PAK3: variants seen among roughly 807,000 people sequenced by gnomAD.
PAK3 encodes serine/threonine-protein kinase PAK 3.
PAK3 carries 4 observed loss-of-function variants against 41.0 expected under a neutral mutation model. The observed-to-expected ratio is 0.10, with a 90% confidence interval of 0.05 to 0.22. PAK3 has a LOEUF of 0.22. Ranked by LOEUF, PAK3 falls within the 10% of genes least tolerant of loss-of-function variation. The pLI is 1.00. For missense variants in PAK3, 205 were observed against 409.9 expected (o/e 0.50, Z 4.32); for synonymous variants, 146 against 139.6 (o/e 1.05, Z -0.32).
At chrX:111,019,722 A>AGGG (rs55957364) in intron 1 of PAK3, among the ~76,000 whole-genome samples, 1 of 84,173 alleles carries the variant, frequency 1.2e-5, no homozygotes, top group African/African-American at 4.4e-5. Context: ...GAAAAGAAAA[A>AGGG]GGGGGGGGGG....
intron 16 of PAK3, among the ~76,000 whole-genome samples, chrX:111,207,877 C>T (rs2094771786): frequency 1.8e-5 from 2 of 112,276 alleles, no homozygotes; most frequent in Non-Finnish European, 3.8e-5. Context: ...TCACTGCAAC[C>T]TCCAACCCCC....
At chrX:111,037,382 T>C (rs751516495) in intron 1 of PAK3, among the ~76,000 whole-genome samples, 4 of 112,388 alleles carry the variant, frequency 3.6e-5, no homozygotes, top group African/African-American at 9.7e-5. Flanking sequence ...GATTTCCTTT[T>C]GGGATTTGTT....
At chrX:111,114,575 A>G (rs2093429697) in intron 4 of PAK3, among the ~76,000 whole-genome samples, 1 of 111,605 alleles carries the variant, frequency 9.0e-6, no homozygotes, top group African/African-American at 3.3e-5. Context: ...TCCTCTCTTT[A>G]TGCAGCTGTG....
chrX:111,022,450 A>G (rs1186016005), intron 1 of PAK3, among the ~76,000 whole-genome samples: 1 of 111,866 alleles, frequency 8.9e-6, no homozygotes, highest in African/African-American at 3.2e-5. Context: ...TGAAGGAAAG[A>G]CACAGTCTTT....
chrX:111,191,202 G>A (rs759145302), intron 11 of PAK3, among the ~76,000 whole-genome samples: 19 of 111,525 alleles, frequency 1.7e-4, no homozygotes, highest in Non-Finnish European at 3.0e-4. Context: ...GGGCTCAAGT[G>A]ATCCTCCCAT....
rs1351561174 is a variant in PAK3 at position 111,154,402 on chromosome X, G to A, written c.468+1955G>A. 2.7e-5 allele frequency among the ~76,000 whole-genome samples: 3 copies of A among 111,520 alleles called. No homozygotes were observed. The East Asian group carries it at 8.4e-4, about 31-fold the overall frequency. Reference sequence around the variant, plus strand: ...CCATTTACTAAGTATGTGACATTGGGAAACTAGCTTAGCTTCTCTGAGCTT... The same window carrying A: ...CCATTTACTAAGTATGTGACATTGGAAAACTAGCTTAGCTTCTCTGAGCTT... On this transcript the variant is annotated intron_variant, in intron 8 of 17. Coordinates refer to ENST00000372007, the MANE Select transcript of PAK3 (RefSeq NM_002578.5).
intron 1 of PAK3, among the ~76,000 whole-genome samples, chrX:110,997,772 A>G (rs187619467): frequency 9.0e-6 from 1 of 111,514 alleles, no homozygotes; most frequent in Admixed American, 9.5e-5. Flanking sequence ...TGATAGTATT[A>G]GGAGGTGAGA....
At chrX:110,966,508 CA>C (rs769955533) in intron 1 of PAK3, among the ~76,000 whole-genome samples, 13 of 110,086 alleles carry the variant, frequency 1.2e-4, no homozygotes, top group East Asian at 1.1e-3. Context: ...AGAGAGAGAT[CA>C]GGGGTGGGAA....
At position 111,009,940 on chromosome X, in the gene PAK3, C is replaced by T. The variant is rs769515893; in HGVS notation, c.-28+65312C>T. Among the ~76,000 whole-genome samples, 11 of 111,655 alleles carry T rather than the reference C, an allele frequency of 9.9e-5. No individual in the cohort carries two copies. The South Asian group carries it at 3.4e-3, about 35-fold the overall frequency. ...CAAGTGACAAAACCCATGCTTTACACGGCTGAGTAATATTGTGGCCCCATA... is the reference window on the plus strand; with the variant it reads ...CAAGTGACAAAACCCATGCTTTACATGGCTGAGTAATATTGTGGCCCCATA... On this transcript the variant is annotated intron_variant, in intron 1 of 14. Transcript: ENST00000425146.
intron 17 of PAK3, chrX:111,217,073 G>A (rs922279906): frequency 1.2e-5 from 9 of 723,316 alleles, no homozygotes; most frequent in Non-Finnish European, 1.5e-5. Flanking sequence ...CGGCTCCCAG[G>A]GATTAGTATA....
intron 4 of PAK3, among the ~76,000 whole-genome samples, chrX:111,118,464 A>G (rs1444643762): frequency 9.0e-6 from 1 of 110,766 alleles, no homozygotes; most frequent in Non-Finnish European, 1.9e-5. Context: ...ATATATATAT[A>G]TATGTATATA....
intron 1 of PAK3, among the ~76,000 whole-genome samples, chrX:110,971,015 C>G (rs2148631817): frequency 8.9e-6 from 1 of 112,068 alleles, no homozygotes; most frequent in Admixed American, 9.4e-5. Flanking sequence ...GTGCTTCATT[C>G]CCAATCTTAG....
chrX:111,190,592 G>T (rs1045215751), intron 11 of PAK3, among the ~76,000 whole-genome samples: 2 of 111,438 alleles, frequency 1.8e-5, no homozygotes, highest in Admixed American at 1.9e-4. Flanking sequence ...ACAAATATTA[G>T]AACTCAGATC....
intron 1 of PAK3, among the ~76,000 whole-genome samples, chrX:111,064,440 C>T (rs1193969612): frequency 9.4e-6 from 1 of 106,072 alleles, no homozygotes; most frequent in Non-Finnish European, 1.9e-5. Flanking sequence ...CCCTTGTGCC[C>T]CTCCCTCCCT....
chrX:111,217,165 A>G (rs2094888415), intron 17 of PAK3: 1 of 337,569 alleles, frequency 3.0e-6, no homozygotes, highest in African/African-American at 2.8e-5. Context: ...TAGGGTAGGC[A>G]TTATTATCCC....
upstream of PAK3, among the ~76,000 whole-genome samples, chrX:111,094,750 G>A (rs1005445638): frequency 7.0e-5 from 7 of 100,050 alleles, no homozygotes; most frequent in Non-Finnish European, 1.4e-4. Flanking sequence ...GTGCAGTGGC[G>A]CAATCTCGGC....
At chrX:111,180,106 G>A (rs1361154673) in intron 11 of PAK3, among the ~76,000 whole-genome samples, 4 of 111,320 alleles carry the variant, frequency 3.6e-5, no homozygotes, top group Admixed American at 2.9e-4. Context: ...GAGTTAGCAT[G>A]GAGTTACATA....
intron 1 of PAK3, among the ~76,000 whole-genome samples, chrX:111,076,605 T>C (rs939107467): frequency 8.9e-5 from 10 of 111,764 alleles, no homozygotes; most frequent in Admixed American, 3.8e-4. Flanking sequence ...CTCTTTTCTT[T>C]ATAAATTACC....
chrX:111,148,777 A>C (rs138204868), intron 7 of PAK3, among the ~76,000 whole-genome samples: 18,270 of 110,398 alleles, frequency 0.17, 3,204 homozygotes, highest in African/African-American at 0.53. Flanking sequence ...TGTTGGAATT[A>C]TGGGATATAC....
Sources: allele counts gnomAD v4.1 joint callset (sites outside exome capture counted in the v4.1 genomes callset), GRCh38; gene constraint gnomAD v4.1.1; transcripts MANE v1.5; gene names NCBI Gene and HGNC (gene_info 2026-07-23, HGNC 2026-07-21).